The following CRPPA variants were observed in gnomAD, a reference collection of about 807,000 sequenced individuals.
The protein encoded by CRPPA is CDP-L-ribitol pyrophosphorylase A, also known as D-ribitol-5-phosphate cytidylyltransferase.
A neutral mutation model predicts 52.0 loss-of-function variants in CRPPA; 43 were observed. The ratio of observed to expected loss-of-function variants is 0.83; its 90% CI spans 0.65 to 1.07. The LOEUF (loss-of-function observed/expected upper bound fraction) is 1.07. Ranked by LOEUF, CRPPA falls within the 50% of genes least tolerant of loss-of-function variation. CRPPA has a pLI of 0.00. For synonymous variants in CRPPA, 250 were observed against 203.5 expected (o/e 1.23, Z -1.94); for missense variants, 629 against 551.7 (o/e 1.14, Z -1.40).
chr7:16,120,617 G>T (rs1447203580), intron 9 of CRPPA, among the ~76,000 whole-genome samples: 1 of 152,044 alleles, frequency 6.6e-6, no homozygotes, highest in African/African-American at 2.4e-5. Context: ...TCCTCGTCTT[G>T]TTCCTTGGCT....
intron 8 of CRPPA, among the ~76,000 whole-genome samples, chr7:16,245,775 T>A (rs1023539433): frequency 6.6e-6 from 1 of 152,226 alleles, no homozygotes; most frequent in Non-Finnish European, 1.5e-5. Context: ...TTATTTCCCA[T>A]GTCATATAAA....
At chr7:16,398,461 T>C (rs1387777847) in intron 2 of CRPPA, among the ~76,000 whole-genome samples, 2 of 151,832 alleles carry the variant, frequency 1.3e-5, no homozygotes, top group East Asian at 3.9e-4. Flanking sequence ...GTGACTCACG[T>C]GTGCGATTGA....
intron 2 of CRPPA, among the ~76,000 whole-genome samples, chr7:16,397,365 G>A (rs1374734974): frequency 6.6e-6 from 1 of 152,222 alleles, no homozygotes; most frequent in Non-Finnish European, 1.5e-5. Flanking sequence ...TGACTGACGT[G>A]TGTAACACGT....
chr7:16,412,098 C>G (rs970333969), intron 1 of CRPPA, among the ~76,000 whole-genome samples: 1 of 152,150 alleles, frequency 6.6e-6, no homozygotes, highest in Non-Finnish European at 1.5e-5. Flanking sequence ...TTCCATCAGA[C>G]AGAAAACAGC....
At chr7:16,144,014 C>A (rs1782923933) in intron 9 of CRPPA, among the ~76,000 whole-genome samples, 1 of 152,114 alleles carries the variant, frequency 6.6e-6, no homozygotes, top group Non-Finnish European at 1.5e-5. Flanking sequence ...TATCTACAGA[C>A]CAAAGTGCCT....
At chr7:16,256,256 G>A (rs975786408) in intron 8 of CRPPA, among the ~76,000 whole-genome samples, 1 of 152,174 alleles carries the variant, frequency 6.6e-6, no homozygotes, top group Non-Finnish European at 1.5e-5. Context: ...CAGTTAGAAT[G>A]GCAATCATTA....
intron 9 of CRPPA, among the ~76,000 whole-genome samples, chr7:16,178,530 T>C (rs959397432): frequency 6.6e-6 from 1 of 152,188 alleles, no homozygotes; most frequent in Non-Finnish European, 1.5e-5. Context: ...ACAAATGTAG[T>C]ATTTATATAT....
intron 3 of CRPPA, among the ~76,000 whole-genome samples, chr7:16,319,083 G>C (rs187933052): frequency 6.6e-6 from 1 of 152,118 alleles, no homozygotes; most frequent in East Asian, 1.9e-4. Flanking sequence ...TCAGTATTGA[G>C]TGTTTAAATC....
intron 8 of CRPPA, among the ~76,000 whole-genome samples, chr7:16,251,888 T>C (rs1783462062): frequency 6.6e-6 from 1 of 151,926 alleles, no homozygotes; most frequent in African/African-American, 2.4e-5. Context: ...AGAGCAGAAC[T>C]GAAGGAGATA....
intron 9 of CRPPA, among the ~76,000 whole-genome samples, chr7:16,208,549 C>G (rs1782027405): frequency 6.6e-6 from 1 of 152,140 alleles, no homozygotes; most frequent in African/African-American, 2.4e-5. Context: ...TTATGACACA[C>G]AGAAGCTGCC....
chr7:16,406,198 C>T lies in CRPPA; in HGVS notation c.397G>A (p.Gly133Arg). The change falls in exon 2 of 10, where the codon GGA (glycine) becomes AGA (arginine). Residue 133 changes from glycine (G) to arginine (R), a missense_variant. Coordinates refer to ENST00000407010, the MANE Select transcript of CRPPA (RefSeq NM_001101426.4). ...GVTRHRSIFNGLKALAEDQIN... is the reference protein window; with the variant it reads ...GVTRHRSIFNRLKALAEDQIN... ...TGATCTTCTGCCAGTGCTTTTAGTCCATTGAAAATTGACCTGTGGCGGGTC... is the reference window on the plus strand; with the variant it reads ...TGATCTTCTGCCAGTGCTTTTAGTCTATTGAAAATTGACCTGTGGCGGGTC... The T allele has an allele frequency of 6.2e-7, 1 of 1,613,962 alleles. No homozygotes were observed. Among genetic ancestry groups the T allele is most frequent in the South Asian group, 1.1e-5 (1 of 91,076 alleles).
chr7:16,284,560 T>A (rs41362051), intron 5 of CRPPA, among the ~76,000 whole-genome samples: 26,384 of 152,054 alleles, frequency 0.17, 2,629 homozygotes, highest in African/African-American at 0.28. Context: ...CAGGGTTTGG[T>A]AAACAATCCA....
chr7:16,237,538 A>G (rs1782985758), intron 8 of CRPPA: 1 of 152,178 alleles, frequency 6.6e-6, no homozygotes, highest in African/African-American at 2.4e-5. Context: ...GGTTAACCAT[A>G]TAAATTTTGA....
intron 9 of CRPPA, among the ~76,000 whole-genome samples, chr7:16,137,225 G>A (rs969657842): frequency 3.9e-5 from 6 of 152,208 alleles, no homozygotes; most frequent in African/African-American, 1.4e-4. Flanking sequence ...TATCTTCCAT[G>A]TGAGTAAATA....
rs1562608478 is a variant in CRPPA, at chr7:16,286,058, T to TAGA, written c.836-7833_836-7832insTCT. ...AAAAAAATATAAATATATATATATA[T>TAGA]ATATATATATATATATATATATAAT... On this transcript the variant is annotated intron_variant, in intron 5 of 9. Coordinates refer to ENST00000407010, the MANE Select transcript of CRPPA (RefSeq NM_001101426.4). Among the ~76,000 whole-genome samples, 128 of 30,980 alleles carry TAGA rather than the reference T, an allele frequency of 4.1e-3. 6 individuals are homozygous for TAGA. Among genetic ancestry groups the TAGA allele is most frequent in the Non-Finnish European group, 5.6e-3 (104 of 18,708 alleles). The allele number at this position is 30,980 out of a possible 152,430, so 20.3% of individuals were successfully genotyped here. A position where few individuals can be genotyped will look rare whatever the true frequency, so the allele number is the denominator to read the frequency against.
chr7:16,348,029 G>A (rs909007319), intron 3 of CRPPA, among the ~76,000 whole-genome samples: 15 of 152,078 alleles, frequency 9.9e-5, no homozygotes, highest in Non-Finnish European at 1.8e-4. Context: ...TCTGGAAGGA[G>A]ATTTACGACA....
At chr7:16,170,932 C>T (rs114781952) in intron 9 of CRPPA, among the ~76,000 whole-genome samples, 9,302 of 152,260 alleles carry the variant, frequency 0.061, 371 homozygotes, top group East Asian at 0.13. Context: ...CGCTTAGCCC[C>T]GGTTCCTGCC....
At chr7:16,279,656 CA>C (rs1228629113) in intron 5 of CRPPA, among the ~76,000 whole-genome samples, 5 of 152,154 alleles carry the variant, frequency 3.3e-5, no homozygotes, top group African/African-American at 1.2e-4. Context: ...CTCTATAATA[CA>C]ATGAGCTAGG....
intron 9 of CRPPA, among the ~76,000 whole-genome samples, chr7:16,113,853 T>C (rs1782315345): frequency 6.6e-6 from 1 of 151,876 alleles, no homozygotes; most frequent in African/African-American, 2.4e-5. Flanking sequence ...GAAAATAATC[T>C]CTGAATCAAG....
Sources: gnomAD v4.1 joint callset for allele counts (sites outside exome capture counted in the v4.1 genomes callset) on GRCh38, gnomAD v4.1.1 for gene constraint, MANE v1.5 for transcripts, NCBI Gene and HGNC (gene_info 2026-07-23, HGNC 2026-07-21) for gene names.